Variants in COL8A1 observed in about 807,000 individuals in gnomAD.
The protein encoded by COL8A1 is collagen type VIII alpha 1 chain, also known as collagen alpha-1(VIII) chain.
A neutral mutation model predicts 42.7 loss-of-function variants in COL8A1; 21 were observed. The observed-to-expected ratio is 0.49, with a 90% CI of 0.35 to 0.71. The LOEUF (loss-of-function observed/expected upper bound fraction) is 0.71. Ranked by LOEUF, COL8A1 falls within the 30% of genes least tolerant of loss-of-function variation. The pLI is 0.01. For synonymous variants in COL8A1, 367 were observed against 369.1 expected (o/e 0.99, Z 0.06); for missense variants, 788 against 962.4 (o/e 0.82, Z 2.40).
At chr3:99,721,165 G>C (rs1204100769) in intron 1 of COL8A1, among the ~76,000 whole-genome samples, 1 of 152,010 alleles carries the variant, frequency 6.6e-6, no homozygotes, top group East Asian at 1.9e-4. Flanking sequence ...GCACGAAGTT[G>C]GGCGACTGCC....
chr3:99,650,686 G>A (rs1299796832), intron 1 of COL8A1, among the ~76,000 whole-genome samples: 2 of 152,094 alleles, frequency 1.3e-5, no homozygotes, highest in African/African-American at 4.8e-5. Flanking sequence ...TCCCCACCTC[G>A]GCCTCCCAAA....
At chr3:99,717,866 C>A (rs1044240170) in intron 1 of COL8A1, among the ~76,000 whole-genome samples, 1 of 151,974 alleles carries the variant, frequency 6.6e-6, no homozygotes, top group African/African-American at 2.4e-5. Flanking sequence ...TCATCCAGCT[C>A]TAAATATTTT....
chr3:99,756,568 G>A (rs553289314), intron 2 of COL8A1, among the ~76,000 whole-genome samples: 1 of 152,296 alleles, frequency 6.6e-6, no homozygotes, highest in South Asian at 2.1e-4. Context: ...CCACAGTTCA[G>A]TTAAAAAGAA....
At chr3:99,767,728 G>A (rs567018687) in intron 2 of COL8A1, among the ~76,000 whole-genome samples, 37 of 152,272 alleles carry the variant, frequency 2.4e-4, no homozygotes, top group African/African-American at 8.7e-4. Context: ...AAGGCATCCT[G>A]CCACTGAACC....
intron 1 of COL8A1, among the ~76,000 whole-genome samples, chr3:99,644,374 A>G (rs916184290): frequency 6.6e-6 from 1 of 152,252 alleles, no homozygotes; most frequent in African/African-American, 2.4e-5. Flanking sequence ...ATGTCAAGTC[A>G]TTGAAATGTT....
intron 1 of COL8A1, among the ~76,000 whole-genome samples, chr3:99,661,264 A>G (rs944044123): frequency 1.3e-5 from 2 of 152,220 alleles, no homozygotes; most frequent in Non-Finnish European, 2.9e-5. Context: ...AACAACAACA[A>G]CAAAAAGAAA....
intron 1 of COL8A1, among the ~76,000 whole-genome samples, chr3:99,726,031 G>A (rs983621540): frequency 6.6e-6 from 1 of 152,022 alleles, no homozygotes; most frequent in African/African-American, 2.4e-5. Context: ...AGTCTCACCA[G>A]CAATGTAAAA....
chr3:99,639,203 A>T (rs935125130), intron 1 of COL8A1, among the ~76,000 whole-genome samples: 2 of 152,164 alleles, frequency 1.3e-5, no homozygotes, highest in Admixed American at 6.5e-5. Context: ...TGCCCTTTGC[A>T]CGGGGACAGT....
chr3:99,700,766 C>T (rs114780184), intron 1 of COL8A1, among the ~76,000 whole-genome samples: 1,861 of 152,254 alleles, frequency 0.012, 32 homozygotes, highest in African/African-American at 0.042. Context: ...CTGTCACTAC[C>T]AAAACATGGC....
intron 1 of COL8A1, among the ~76,000 whole-genome samples, chr3:99,663,291 G>C (rs1291963221): frequency 2.0e-5 from 3 of 151,958 alleles, no homozygotes; most frequent in Non-Finnish European, 4.4e-5. Context: ...TCAGCCTCCC[G>C]AGCAGCTGAA....
rs1392255398 is a variant in COL8A1 at position 99,724,996 on chromosome 3, A to G, written c.-128-19901A>G. On this transcript the variant is annotated intron_variant, in intron 1 of 3. Transcript: ENST00000652472. ...ATATAATAAGATTGCTTTATTTTGG[A>G]TTGTGGTAAGGATTAAATGATGTAT... 4.6e-5 allele frequency among the ~76,000 whole-genome samples: 7 copies of G among 151,980 alleles called. No homozygotes were observed. In the East Asian group the frequency reaches 1.4e-3, roughly 29 times the overall value.
intron 1 of COL8A1, among the ~76,000 whole-genome samples, chr3:99,715,908 CTA>C (rs960691968): frequency 2.0e-5 from 3 of 151,982 alleles, no homozygotes; most frequent in Admixed American, 1.3e-4. Flanking sequence ...TCTGAACACT[CTA>C]TTGGATTTCC....
intron 1 of COL8A1, among the ~76,000 whole-genome samples, chr3:99,673,329 C>T (rs1938600743): frequency 6.6e-6 from 1 of 151,934 alleles, no homozygotes. Flanking sequence ...GCTTGGTTGC[C>T]CTCCTTGATC....
At chr3:99,723,129 G>A (rs1305717047) in intron 1 of COL8A1, among the ~76,000 whole-genome samples, 1 of 151,910 alleles carries the variant, frequency 6.6e-6, no homozygotes, top group Non-Finnish European at 1.5e-5. Flanking sequence ...ATGCCTATTG[G>A]TGAGTAGTAT....
At chr3:99,719,190 T>C (rs1450470353) in intron 1 of COL8A1, among the ~76,000 whole-genome samples, 1 of 152,100 alleles carries the variant, frequency 6.6e-6, no homozygotes, top group Non-Finnish European at 1.5e-5. Context: ...CATTCAGTAA[T>C]ATTAGCTTTT....
intron 1 of COL8A1, among the ~76,000 whole-genome samples, chr3:99,641,309 G>A (rs1937505481): frequency 6.6e-6 from 1 of 152,094 alleles, no homozygotes; most frequent in South Asian, 2.1e-4. Context: ...ATCCATGTCT[G>A]CTCTTGTCTT....
intron 1 of COL8A1, among the ~76,000 whole-genome samples, chr3:99,702,127 T>C (rs1400452509): frequency 6.6e-6 from 1 of 152,202 alleles, no homozygotes; most frequent in Admixed American, 6.5e-5. Flanking sequence ...CACTCTTAGA[T>C]ATTCTGAATT....
chr3:99,648,204 T>A (rs1055235590), intron 1 of COL8A1, among the ~76,000 whole-genome samples: 28 of 152,174 alleles, frequency 1.8e-4, no homozygotes, highest in African/African-American at 6.8e-4. Context: ...GCAAATTGCC[T>A]AGGGCCACAC....
chr3:99,770,217 G>A (rs1941552084), intron 2 of COL8A1, among the ~76,000 whole-genome samples: 2 of 152,102 alleles, frequency 1.3e-5, no homozygotes, highest in African/African-American at 4.8e-5. Context: ...TTGGAATGAG[G>A]GTTGTATGAC....
Sources: gnomAD v4.1 joint callset for allele counts (sites outside exome capture counted in the v4.1 genomes callset) on GRCh38, gnomAD v4.1.1 for gene constraint, MANE v1.5 for transcripts, NCBI Gene and HGNC (gene_info 2026-07-23, HGNC 2026-07-21) for gene names.